Variants in ST3GAL4 observed in about 807,000 individuals in gnomAD.
ST3GAL4 encodes ST3 beta-galactoside alpha-2,3-sialyltransferase 4.
In ST3GAL4, 24 loss-of-function variants were observed where a neutral mutation model predicts 42.6. The ratio of observed to expected loss-of-function variants is 0.56; its 90% CI spans 0.41 to 0.79. The LOEUF (loss-of-function observed/expected upper bound fraction) is 0.79. Ranked by LOEUF, ST3GAL4 falls within the 30% of genes least tolerant of loss-of-function variation. The pLI, the probability that ST3GAL4 is intolerant of heterozygous loss-of-function variation, is 0.00. For synonymous variants in ST3GAL4, 135 were observed against 163.2 expected, an observed-to-expected ratio of 0.83 and a Z score of 1.32; for missense variants, 311 against 430.8, an observed-to-expected ratio of 0.72 and a Z score of 2.46.
rs1380414712 is a variant in ST3GAL4 at position 126,379,350 on chromosome 11, G to A, written c.-61+23508G>A. On this transcript the variant is annotated intron_variant, in intron 1 of 10. Transcript: ENST00000444328. The surrounding 1 kb of genome is among the most constrained non-coding windows in gnomAD (Gnocchi z 4.2). ...TTGTGCTAAAACAAAACAAAAACAAGTCTGAGTCAATAGAAGGGGGCCACA... is the reference window on the plus strand; with the variant it reads ...TTGTGCTAAAACAAAACAAAAACAAATCTGAGTCAATAGAAGGGGGCCACA... Among the ~76,000 whole-genome samples the A allele has an allele frequency of 6.6e-6, 1 of 152,184 alleles. No homozygotes were observed. The highest frequency in any genetic ancestry group is 2.4e-5 in the African/African-American group (1 of 41,444).
chr11:126,394,030 G>C (rs1290278037), intron 1 of ST3GAL4, among the ~76,000 whole-genome samples: 1 of 152,236 alleles, frequency 6.6e-6, no homozygotes, highest in African/African-American at 2.4e-5. Flanking sequence ...CAAATACTCA[G>C]TGGCCTGGGA....
chr11:126,408,737 T>C, intron 8 of ST3GAL4: 1 of 570,648 alleles, frequency 1.8e-6, no homozygotes, highest in Non-Finnish European at 3.1e-6. Flanking sequence ...CAGGCACCCA[T>C]GCTCCAGGCG....
chr11:126,381,338 C>G (rs1952994512), intron 1 of ST3GAL4, among the ~76,000 whole-genome samples: 4 of 152,194 alleles, frequency 2.6e-5, no homozygotes, highest in Non-Finnish European at 5.9e-5. Context: ...AGAAAATGGG[C>G]ACCAGTTACT....
At position 126,398,626 on chromosome 11, in the gene ST3GAL4, T is replaced by A. The variant is rs571967175; in HGVS notation, c.-60-7470T>A. 6.6e-6 allele frequency among the ~76,000 whole-genome samples: 1 copy of A among 152,348 alleles called. No homozygotes were observed. Among genetic ancestry groups the A allele is most frequent in the East Asian group, 1.9e-4 (1 of 5,190 alleles). On this transcript the variant is annotated intron_variant, in intron 1 of 10. Coordinates refer to ENST00000444328, the MANE Select transcript of ST3GAL4 (RefSeq NM_001254757.2). The surrounding 1 kb of genome is among the most constrained non-coding windows in gnomAD (Gnocchi z 4.7). ...TCAGACTCCACAGTTCTGCTGGGCA[T>A]TGCCCTACAGGGGCTCCCTGGTGGT...
intron 1 of ST3GAL4, among the ~76,000 whole-genome samples, chr11:126,402,894 G>A (rs73633606): frequency 0.044 from 6,683 of 152,244 alleles, 476 homozygotes; most frequent in African/African-American, 0.15. Flanking sequence ...CTTCCTACCC[G>A]GGGGCACCTT....
chr11:126,407,287 AG>A lies in ST3GAL4; in HGVS notation c.220del (p.Asp74IlefsTer28). 1 of 1,614,146 alleles carries A rather than the reference AG, an allele frequency of 6.2e-7. No homozygotes were observed. Among genetic ancestry groups the A allele is most frequent in the Non-Finnish European group, 8.5e-7 (1 of 1,179,998 alleles). Reference protein sequence around the residue: ...SRDQPIFLRLEDYFWVKTPSA... With the variant: ...SRDQPIFLRLXDYFWVKTPSA... ...GATCAGCCCATCTTCCTGCGGCTTG[AG>A]GATTATTTCTGGGTCAAGACGCCAT... On this transcript the variant is annotated frameshift_variant, in exon 5 of 11. Coordinates refer to ENST00000444328, the MANE Select transcript of ST3GAL4 (RefSeq NM_001254757.2). LOFTEE classifies it high-confidence loss of function.
intron 1 of ST3GAL4, among the ~76,000 whole-genome samples, chr11:126,401,670 A>G (rs1954000959): frequency 6.6e-6 from 1 of 152,144 alleles, no homozygotes; most frequent in Non-Finnish European, 1.5e-5. Flanking sequence ...CCTAGAAGCC[A>G]AGGAGGAGGC....
intron 1 of ST3GAL4, among the ~76,000 whole-genome samples, chr11:126,402,926 T>C (rs1954070743): frequency 6.6e-6 from 1 of 152,226 alleles, no homozygotes; most frequent in Non-Finnish European, 1.5e-5. Flanking sequence ...TCGGGTGAGC[T>C]GGCCTCTTGG....
chr11:126,383,285 G>T lies in ST3GAL4; in HGVS notation c.-60-22811G>T, dbSNP rs1169747941. ...CTTTCCGTGACTTTGGAGGAACGAG[G>T]TTCCTGAGGGCTGGCACAGCCACTC... On this transcript the variant is annotated intron_variant, in intron 1 of 10. Coordinates refer to ENST00000444328, the MANE Select transcript of ST3GAL4 (RefSeq NM_001254757.2). This position sits in a 1 kb window ranked among gnomAD's most constrained non-coding sequence, Gnocchi z 4.5. Among the ~76,000 whole-genome samples, 2 of 152,188 alleles carry T rather than the reference G, an allele frequency of 1.3e-5. No homozygotes were observed. The highest frequency in any genetic ancestry group is 1.3e-4 in the Admixed American group (2 of 15,284).
At chr11:126,380,440 A>T (rs1952953744) in intron 1 of ST3GAL4, among the ~76,000 whole-genome samples, 1 of 152,188 alleles carries the variant, frequency 6.6e-6, no homozygotes, top group African/African-American at 2.4e-5. Flanking sequence ...AAGTTCTGTT[A>T]TGAAAGGCAC....
Position 126,405,834 on chromosome 11 carries a change from T to C in ST3GAL4, c.-60-262T>C, listed in dbSNP as rs1401155347. On this transcript the variant is annotated intron_variant, in intron 1 of 10. Transcript: ENST00000444328. ...CCAGAGAGGCTGGAGTAGGCCAGCC[T>C]GGCTTGGGACCGAGTCCCGAGTCCC... 2.2e-5 allele frequency: 11 copies of C among 510,062 alleles called. No individual in the cohort carries two copies. In the Admixed American group the frequency reaches 2.7e-4, roughly 12 times the overall value. 31.6% of individuals were successfully genotyped at this position (510,062 alleles called of 1,614,324 possible). A position where few individuals can be genotyped will look rare whatever the true frequency, so the allele number is the denominator to read the frequency against.
intron 1 of ST3GAL4, among the ~76,000 whole-genome samples, chr11:126,367,402 G>C (rs1216148045): frequency 2.0e-5 from 3 of 152,188 alleles, no homozygotes; most frequent in Non-Finnish European, 4.4e-5. Flanking sequence ...ACCAGGAGAG[G>C]TGAGTATGAT....
chr11:126,413,380 C>G, intron 9 of ST3GAL4, 125 bp from the exon 10 acceptor site: 1 of 1,263,052 alleles, frequency 7.9e-7, no homozygotes, highest in Non-Finnish European at 1.1e-6. Flanking sequence ...CGTGGCTTGT[C>G]TTGTTGGACA....
rs922080252 is a variant in ST3GAL4 at position 126,363,062 on chromosome 11, A to T, written c.-61+7220A>T. On this transcript the variant is annotated intron_variant, in intron 1 of 10. Transcript: ENST00000444328. The surrounding 1 kb of genome is among the most constrained non-coding windows in gnomAD (Gnocchi z 4.6). ...GGCCCCTAGGACTGGGTGGGCTAAG[A>T]TGAGTGGTCTAGAAATCCCTCCCCA... 2.6e-5 allele frequency among the ~76,000 whole-genome samples: 4 copies of T among 152,162 alleles called. No homozygotes were observed. The highest frequency in any genetic ancestry group is 5.9e-5 in the Non-Finnish European group (4 of 68,024).
At chr11:126,372,478 G>A (rs1020624392) in intron 1 of ST3GAL4, among the ~76,000 whole-genome samples, 1 of 149,610 alleles carries the variant, frequency 6.7e-6, no homozygotes, top group African/African-American at 2.5e-5. Flanking sequence ...GTGTAATGGC[G>A]CGATCTCAGC....
Position 126,409,395 on chromosome 11 carries a change from C to T in ST3GAL4, c.755C>T (p.Pro252Leu), listed in dbSNP as rs371720705. The T allele has an allele frequency of 1.9e-6, 3 of 1,614,106 alleles. No individual in the cohort carries two copies. The African/African-American group carries it at 4.0e-5, about 22-fold the overall frequency. The change falls in exon 9 of 11, where the codon CCA (proline) becomes CTA (leucine). Residue 252 changes from proline to leucine, a missense_variant. By Grantham distance (98) the Pro-to-Leu change is moderately conservative. Transcript: ENST00000444328. This position sits in a 1 kb window ranked among gnomAD's most constrained non-coding sequence, Gnocchi z 4.9. ...DKLLSLPMQQ[P>L]RKIKQKPTTG... ...CTGCTGAGCCTGCCAATGCAACAGC[C>T]ACGGAAGATTAAGCAGGTGATGATG...
chr11:126,390,211 C>A (rs1005435266), intron 1 of ST3GAL4, among the ~76,000 whole-genome samples: 1 of 151,566 alleles, frequency 6.6e-6, no homozygotes, highest in Non-Finnish European at 1.5e-5. Flanking sequence ...ATTATGTCTT[C>A]AAGTTTATCC....
intron 1 of ST3GAL4, 137 bp from the exon 2 acceptor site, chr11:126,405,959 C>T: frequency 1.9e-6 from 2 of 1,057,762 alleles, no homozygotes; most frequent in Non-Finnish European, 2.8e-6. Context: ...AAAACTCACC[C>T]TCAGGATGAT....
chr11:126,383,995 A>C lies in ST3GAL4; in HGVS notation c.-60-22101A>C, dbSNP rs78562740. Among the ~76,000 whole-genome samples, 856 of 152,206 alleles carry C rather than the reference A, an allele frequency of 5.6e-3. 29 individuals are homozygous for C. The highest frequency in any genetic ancestry group is 0.048 in the Admixed American group (730 of 15,298). On this transcript the variant is annotated intron_variant, in intron 1 of 10. Transcript: ENST00000444328. The surrounding 1 kb of genome is among the most constrained non-coding windows in gnomAD (Gnocchi z 4.5). The stretch of plus-strand genomic sequence containing the variant: ...TTCCTGCCCACCCTCATCTTTGCCG[A>C]GTCCTCGTCTGGGGGCCCTGCCCCA...
Sources: gnomAD v4.1 joint callset for allele counts (sites outside exome capture counted in the v4.1 genomes callset) on GRCh38, gnomAD v4.1.1 for gene constraint, Gnocchi (gnomAD v3.1) non-coding constraint, MANE v1.5 for transcripts, NCBI Gene and HGNC (gene_info 2026-07-23, HGNC 2026-07-21) for gene names.